The following PPP1R3A variants were observed in gnomAD, a reference collection of about 807,000 sequenced individuals.
PPP1R3A encodes RG1.
Under a neutral mutation model 41.7 loss-of-function variants are expected in PPP1R3A, and 29 were observed. The observed-to-expected ratio is 0.70, with a 90% CI of 0.52 to 0.95. The LOEUF (loss-of-function observed/expected upper bound fraction) is 0.95. PPP1R3A is among the 40% of genes least tolerant of loss of function. The pLI is 0.00. For synonymous variants in PPP1R3A, 485 were observed against 453.4 expected, an observed-to-expected ratio of 1.07 and a Z score of -0.89; for missense variants, 1,352 against 1,292.4, an observed-to-expected ratio of 1.05 and a Z score of -0.71.
At chr7:113,898,308 T>C (rs1020862928) in intron 1 of PPP1R3A, among the ~76,000 whole-genome samples, 6 of 151,700 alleles carry the variant, frequency 4.0e-5, no homozygotes, top group Non-Finnish European at 8.8e-5. Context: ...AAGAAAATAA[T>C]AAGAGAACTA....
Position 113,877,737 on chromosome 7 carries a change from C to T in PPP1R3A, c.3355G>A (p.Val1119Ile), listed in dbSNP as rs1268897535. Residue 1119 changes from valine to isoleucine, a missense_variant, in exon 4 of 4, where the codon GTC becomes ATC. Physicochemically the swap from Val to Ile is conservative, Grantham distance 29. Transcript: ENST00000284601. ...SWEEGRQKESVKKK is the reference protein window; with the variant it reads ...SWEEGRQKESIKKK ...TAGTGCTGAGGTTACTTCTTTTTGA[C>T]AGACTCTTTTTGTCTACCCTCTTCC... 6.5e-7 allele frequency: 1 copy of T among 1,550,326 alleles called. No individual in the cohort carries two copies. Among genetic ancestry groups the T allele is most frequent in the African/African-American group, 1.4e-5 (1 of 72,338 alleles).
At position 113,878,107 on chromosome 7, in the gene PPP1R3A, C is replaced by T. The variant is rs570974170; in HGVS notation, c.2985G>A (p.Gln995=). ...SGSRKERCIG[Q]IFQTEEYSVE... Reference sequence around the variant, plus strand: ...CACTATACTCTTCTGTTTGGAAAATCTGGCCTATGCATCTTTCTTTTCTAC... The same window carrying T: ...CACTATACTCTTCTGTTTGGAAAATTTGGCCTATGCATCTTTCTTTTCTAC... The change falls in exon 4 of 4, where the codon CAG becomes CAA. Residue 995 remains glutamine, a synonymous_variant. Transcript: ENST00000284601. 3 of 1,613,398 alleles carry T rather than the reference C, an allele frequency of 1.9e-6. No individual in the cohort carries two copies. The South Asian group carries it at 3.3e-5, about 18-fold the overall frequency.
intron 1 of PPP1R3A, among the ~76,000 whole-genome samples, chr7:113,915,342 G>A (rs1190671770): frequency 6.6e-6 from 1 of 151,884 alleles, no homozygotes; most frequent in Non-Finnish European, 1.5e-5. Context: ...ATACTTATTA[G>A]AAGGGATTAT....
At chr7:113,896,016 G>T (rs1007532923) in intron 1 of PPP1R3A, among the ~76,000 whole-genome samples, 2 of 151,856 alleles carry the variant, frequency 1.3e-5, no homozygotes, top group Non-Finnish European at 1.5e-5. Context: ...GTTGATGAGC[G>T]TATAAGAGAG....
At chr7:113,895,409 G>A (rs1193687828) in intron 1 of PPP1R3A, among the ~76,000 whole-genome samples, 3 of 151,902 alleles carry the variant, frequency 2.0e-5, no homozygotes, top group Non-Finnish European at 4.4e-5. Flanking sequence ...AAGTTAGAAT[G>A]TTAAAAGTAG....
intron 1 of PPP1R3A, among the ~76,000 whole-genome samples, chr7:113,891,569 C>G (rs1433642959): frequency 1.3e-5 from 2 of 151,932 alleles, no homozygotes; most frequent in African/African-American, 4.8e-5. Context: ...TGACAGTAAC[C>G]TTTTATTTAA....
At chr7:113,892,719 G>A (rs1796913814) in intron 1 of PPP1R3A, among the ~76,000 whole-genome samples, 1 of 152,026 alleles carries the variant, frequency 6.6e-6, no homozygotes, top group East Asian at 1.9e-4. Context: ...ATTAGGTTCA[G>A]TTTCTTGATG....
intron 3 of PPP1R3A, among the ~76,000 whole-genome samples, chr7:113,880,825 A>G (rs1796679734): frequency 6.6e-6 from 1 of 151,964 alleles, no homozygotes; most frequent in Non-Finnish European, 1.5e-5. Context: ...TGTCAACTGC[A>G]CAGCTGTCTT....
chr7:113,902,489 C>A (rs1797082379), intron 1 of PPP1R3A, among the ~76,000 whole-genome samples: 1 of 151,840 alleles, frequency 6.6e-6, no homozygotes, highest in South Asian at 2.1e-4. Flanking sequence ...TCCATGCAGT[C>A]AGAGTCAGCT....
rs540133452 is a variant in PPP1R3A at position 113,879,477 on chromosome 7, G to A, written c.1615C>T (p.His539Tyr). 2.5e-6 allele frequency: 4 copies of A among 1,613,316 alleles called. No individual in the cohort carries two copies. In the Admixed American group the frequency reaches 5.0e-5, roughly 20 times the overall value. ...KQRKNFQTIL[H>Y]DQERKMGNPK... Reference sequence around the variant, plus strand: ...TTACCCATCTTCCTTTCTTGGTCATGTAAGATTGTTTGGAAATTTTTTCTT... The same window carrying A: ...TTACCCATCTTCCTTTCTTGGTCATATAAGATTGTTTGGAAATTTTTTCTT... Residue 539 changes from histidine to tyrosine, a missense_variant, in exon 4 of 4, where the codon CAT (histidine) becomes TAT (tyrosine). Transcript: ENST00000284601.
rs372970886 is a variant in PPP1R3A at position 113,877,557 on chromosome 7, A to G, written c.*166T>C. On this transcript the variant is annotated 3_prime_UTR_variant, in exon 4 of 4. Coordinates refer to ENST00000284601, the MANE Select transcript of PPP1R3A (RefSeq NM_002711.4). Reference sequence around the variant, plus strand: ...TGATCCAAACATAATGGTCCTATATAGAATAATTACTTATATGAAGGAGCA... The same window carrying G: ...TGATCCAAACATAATGGTCCTATATGGAATAATTACTTATATGAAGGAGCA... 1 of 705,730 alleles carries G rather than the reference A, an allele frequency of 1.4e-6. No homozygotes were observed. The highest frequency in any genetic ancestry group is 1.8e-5 in the African/African-American group (1 of 55,898). The allele number at this position is 705,730 out of a possible 1,614,324, so 43.7% of individuals were successfully genotyped here. A position where few individuals can be genotyped will look rare whatever the true frequency, so the allele number is the denominator to read the frequency against.
intron 1 of PPP1R3A, among the ~76,000 whole-genome samples, chr7:113,883,451 T>C (rs993948511): frequency 6.6e-6 from 1 of 151,994 alleles, no homozygotes; most frequent in Non-Finnish European, 1.5e-5. Context: ...GATAATTCAG[T>C]TTTATATATT....
At chr7:113,907,181 C>T (rs186582538) in intron 1 of PPP1R3A, among the ~76,000 whole-genome samples, 1,665 of 151,708 alleles carry the variant, frequency 0.011, 15 homozygotes, top group Admixed American at 0.017. Flanking sequence ...TTGTTAAACC[C>T]CATAATGTAT....
At chr7:113,885,003 A>C (rs1796758210) in intron 1 of PPP1R3A, among the ~76,000 whole-genome samples, 1 of 152,162 alleles carries the variant, frequency 6.6e-6, no homozygotes, top group African/African-American at 2.4e-5. Flanking sequence ...TTAATTGATA[A>C]AAAATTAAAA....
chr7:113,913,567 C>A (rs1658949988), intron 1 of PPP1R3A, among the ~76,000 whole-genome samples: 1 of 152,108 alleles, frequency 6.6e-6, no homozygotes, highest in African/African-American at 2.4e-5. Context: ...TAAATACCAT[C>A]AAACACCTAT....
At chr7:113,890,822 C>T (rs1796868269) in intron 1 of PPP1R3A, among the ~76,000 whole-genome samples, 1 of 152,018 alleles carries the variant, frequency 6.6e-6, no homozygotes, top group African/African-American at 2.4e-5. Context: ...GTTCTACAGA[C>T]TCTTTACCTC....
chr7:113,882,368 T>C lies in PPP1R3A; in HGVS notation c.783-48A>G, dbSNP rs770108721. The C allele has an allele frequency of 6.1e-6, 7 of 1,140,580 alleles. No individual in the cohort carries two copies. In the Admixed American group the frequency reaches 9.3e-5, roughly 15 times the overall value. 70.7% of individuals were successfully genotyped at this position (1,140,580 alleles called of 1,614,324 possible). ...TTATATGTTTTTCTGGGACTGCATC[T>C]TCTAAGTATTTTTACACAGGGGGAA... is the stretch of plus-strand genomic sequence containing the variant. On this transcript the variant is annotated intron_variant, in intron 1 of 3. Transcript: ENST00000284601.
At chr7:113,893,439 A>G (rs1398969788) in intron 1 of PPP1R3A, among the ~76,000 whole-genome samples, 1 of 151,968 alleles carries the variant, frequency 6.6e-6, no homozygotes, top group Non-Finnish European at 1.5e-5. Context: ...CTAGTCTTAT[A>G]TTATTTCTAC....
chr7:113,913,554 T>A (rs1305900730), intron 1 of PPP1R3A, among the ~76,000 whole-genome samples: 1 of 152,138 alleles, frequency 6.6e-6, no homozygotes, highest in African/African-American at 2.4e-5. Flanking sequence ...CCTGGCCAAG[T>A]TATAAATACC....
Sources: allele counts gnomAD v4.1 joint callset (sites outside exome capture counted in the v4.1 genomes callset), GRCh38; gene constraint gnomAD v4.1.1; transcripts MANE v1.5; gene names NCBI Gene and HGNC (gene_info 2026-07-23, HGNC 2026-07-21).